The following WWOX variants were observed in gnomAD, a reference collection of about 807,000 sequenced individuals.
WWOX encodes the protein WW domain containing oxidoreductase.
In WWOX, 69 loss-of-function variants were observed where a neutral mutation model predicts 46.2. The observed-to-expected ratio is 1.49, with a 90% CI of 1.23 to 1.82. The LOEUF (loss-of-function observed/expected upper bound fraction) is 1.82, where lower values mean the gene tolerates loss of function less well. Ranked by LOEUF, WWOX falls within the 40% of genes most tolerant of loss-of-function variation. The pLI is 0.00. For missense variants in WWOX, 919 were observed against 542.6 expected (o/e 1.69, Z -6.89); for synonymous variants, 359 against 202.6 (o/e 1.77, Z -6.56).
chr16:78,985,523 C>T (rs541204099), intron 8 of WWOX, among the ~76,000 whole-genome samples: 3 of 152,276 alleles, frequency 2.0e-5, no homozygotes, highest in East Asian at 1.9e-4. Context: ...AATCCCAGAA[C>T]GTTGGGAGGC....
Position 78,916,262 on chromosome 16 carries a change from C to G in WWOX, c.1057-295346C>G, listed in dbSNP as rs535226889. 1.2e-4 allele frequency among the ~76,000 whole-genome samples: 19 copies of G among 152,280 alleles called. No homozygotes were observed. In the South Asian group the frequency reaches 3.7e-3, roughly 30 times the overall value. ...GCCGGCCAGGAAGTTTTAATCAGCG[C>G]TTTCTACTGCAGGGGGTATGATGGA... On this transcript the variant is annotated intron_variant, in intron 8 of 8. Coordinates refer to ENST00000566780, the MANE Select transcript of WWOX (RefSeq NM_016373.4).
intron 8 of WWOX, among the ~76,000 whole-genome samples, chr16:78,986,100 G>T (rs903674031): frequency 1.4e-4 from 21 of 152,116 alleles, no homozygotes; most frequent in African/African-American, 4.8e-4. Context: ...GATGAACCGG[G>T]GCTCCGGGAG....
intron 8 of WWOX, among the ~76,000 whole-genome samples, chr16:78,888,763 G>T (rs945940631): frequency 1.3e-5 from 2 of 152,174 alleles, no homozygotes; most frequent in Non-Finnish European, 2.9e-5. Context: ...CCCAGGGTTA[G>T]TTCTATGACC....
chr16:78,924,997 C>G (rs1363936884), intron 8 of WWOX, among the ~76,000 whole-genome samples: 1 of 152,122 alleles, frequency 6.6e-6, no homozygotes, highest in Non-Finnish European at 1.5e-5. Flanking sequence ...GCGTTCAAGA[C>G]CAGCCTGGGC....
chr16:78,686,521 AAG>A (rs1491136289), intron 8 of WWOX, among the ~76,000 whole-genome samples: 1 of 151,860 alleles, frequency 6.6e-6, no homozygotes, highest in Admixed American at 6.6e-5. Flanking sequence ...AAAAAAAAAA[AAG>A]AAATCTGTTA....
intron 8 of WWOX, among the ~76,000 whole-genome samples, chr16:78,802,289 G>C (rs1040687628): frequency 2.0e-5 from 3 of 149,446 alleles, no homozygotes; most frequent in African/African-American, 7.4e-5. Flanking sequence ...ATATTTAACG[G>C]GTGTTTCATT....
intron 5 of WWOX, among the ~76,000 whole-genome samples, chr16:78,363,669 C>A (rs557442574): frequency 1.3e-5 from 2 of 152,292 alleles, no homozygotes; most frequent in South Asian, 4.1e-4. Context: ...TACTTGACCA[C>A]CACCATTCAG....
At chr16:78,764,262 A>G (rs1016226039) in intron 8 of WWOX, among the ~76,000 whole-genome samples, 3 of 151,598 alleles carry the variant, frequency 2.0e-5, no homozygotes, top group Non-Finnish European at 2.9e-5. Flanking sequence ...TCCTGCCAGA[A>G]TTTCTCCGTG....
intron 8 of WWOX, chr16:78,526,090 C>G (rs1173002761): frequency 6.6e-6 from 1 of 152,158 alleles, no homozygotes; most frequent in South Asian, 2.1e-4. Flanking sequence ...ACACACCAGC[C>G]CTGGTCATCA....
intron 5 of WWOX, among the ~76,000 whole-genome samples, chr16:78,302,034 G>C (rs4888777): frequency 0.49 from 73,589 of 151,150 alleles, 18,306 homozygotes; most frequent in East Asian, 0.65. Flanking sequence ...AATCTCAGCT[G>C]ATTGTAACCT....
intron 8 of WWOX, among the ~76,000 whole-genome samples, chr16:78,853,210 T>A (rs1235185117): frequency 6.6e-6 from 1 of 152,122 alleles, no homozygotes; most frequent in Non-Finnish European, 1.5e-5. Context: ...CAGGTATAAT[T>A]ATTATTATTT....
Position 78,501,517 on chromosome 16 carries a change from A to C in WWOX, c.1056+68765A>C, listed in dbSNP as rs183893057. The stretch of plus-strand genomic sequence containing the variant: ...TGCTCACTTTGGGCTGTACGTTAGA[A>C]CCACCTGAGAAGTTCTTTTTCTTTC... On this transcript the variant is annotated intron_variant, in intron 8 of 8. Transcript: ENST00000566780. 1.6e-3 allele frequency among the ~76,000 whole-genome samples: 236 copies of C among 150,782 alleles called. 2 individuals carry two copies. The highest frequency in any genetic ancestry group is 3.5e-4 in the Non-Finnish European group (24 of 67,692).
chr16:78,856,882 C>G (rs143657584), intron 8 of WWOX, among the ~76,000 whole-genome samples: 66 of 152,230 alleles, frequency 4.3e-4, no homozygotes, highest in Middle Eastern at 3.4e-3. Context: ...ATAGAGTATA[C>G]CTATACAATC....
intron 3 of WWOX, among the ~76,000 whole-genome samples, chr16:78,113,291 G>T (rs1370963587): frequency 6.6e-6 from 1 of 152,214 alleles, no homozygotes; most frequent in African/African-American, 2.4e-5. Context: ...TAGCTTGAGA[G>T]CCTCCCGTCT....
At chr16:78,184,564 C>T (rs2035636326) in intron 5 of WWOX, among the ~76,000 whole-genome samples, 1 of 146,768 alleles carries the variant, frequency 6.8e-6, no homozygotes, top group Non-Finnish European at 1.5e-5. Context: ...CTATTTTTTC[C>T]CCGTTTATAC....
intron 5 of WWOX, among the ~76,000 whole-genome samples, chr16:78,218,025 C>T (rs1394067581): frequency 2.0e-5 from 3 of 151,934 alleles, no homozygotes; most frequent in African/African-American, 7.3e-5. Context: ...TTTACTTTCC[C>T]TCTCCCTCCC....
At chr16:78,578,037 G>A (rs1412559602) in intron 8 of WWOX, among the ~76,000 whole-genome samples, 2 of 151,672 alleles carry the variant, frequency 1.3e-5, no homozygotes, top group Non-Finnish European at 2.9e-5. Flanking sequence ...CATTGTTCTT[G>A]TATAAACTTT....
intron 8 of WWOX, among the ~76,000 whole-genome samples, chr16:79,092,794 G>C (rs1357328588): frequency 1.3e-5 from 2 of 152,028 alleles, no homozygotes; most frequent in Admixed American, 6.6e-5. Flanking sequence ...ATTATTCTAT[G>C]GCTCCTTCAT....
chr16:78,722,408 G>C (rs1483881291), intron 8 of WWOX, among the ~76,000 whole-genome samples: 1 of 152,166 alleles, frequency 6.6e-6, no homozygotes, highest in Non-Finnish European at 1.5e-5. Flanking sequence ...GGAGAAAATA[G>C]CTGAAAAGTG....
Sources: allele counts gnomAD v4.1 joint callset (sites outside exome capture counted in the v4.1 genomes callset), GRCh38; gene constraint gnomAD v4.1.1; transcripts MANE v1.5; gene names NCBI Gene and HGNC (gene_info 2026-07-23, HGNC 2026-07-21).